Variants in SUZ12 observed in about 807,000 individuals in gnomAD.
SUZ12 encodes SUZ12 polycomb repressive complex 2 subunit.
A neutral mutation model predicts 87.3 loss-of-function variants in SUZ12; 17 were observed. The ratio of observed to expected loss-of-function variants is 0.19; its 90% CI spans 0.13 to 0.29. The LOEUF (loss-of-function observed/expected upper bound fraction) is 0.29, where lower values mean the gene tolerates loss of function less well. Ranked by LOEUF, SUZ12 falls within the 10% of genes least tolerant of loss-of-function variation. SUZ12 has a pLI of 1.00. For missense variants in SUZ12, 526 were observed against 912.2 expected (o/e 0.58, Z 5.45); for synonymous variants, 253 against 312.4 (o/e 0.81, Z 2.01).
At position 31,998,901 on chromosome 17, in the gene SUZ12, TG is replaced by T. The variant is rs745694446; in HGVS notation, c.2121del (p.Thr708GlnfsTer36). The T allele has an allele frequency of 6.2e-7, 1 of 1,613,522 alleles. No homozygotes were observed. The highest frequency in any genetic ancestry group is 8.5e-7 in the Non-Finnish European group (1 of 1,179,866). ...ANEEITEEQN[G>X]TANGFSEINS... ...ACGAAGAAATAACTGAAGAACAAAA[TG>T]GGACAGCAAATGGATTTAGTGAAAT... On this transcript the variant is annotated frameshift_variant, in exon 16 of 16. Transcript: ENST00000322652. LOFTEE classifies it high-confidence loss of function.
At chr17:31,956,222 A>G (rs541510931) in intron 4 of SUZ12, among the ~76,000 whole-genome samples, 88 of 150,892 alleles carry the variant, frequency 5.8e-4, no homozygotes, top group Admixed American at 1.5e-3. Flanking sequence ...CAGTATTACT[A>G]TTTTTTTGAG....
At chr17:31,986,175 A>G (rs1226956653) in intron 9 of SUZ12, among the ~76,000 whole-genome samples, 1 of 151,496 alleles carries the variant, frequency 6.6e-6, no homozygotes, top group Non-Finnish European at 1.5e-5. Context: ...CTCCTGACCT[A>G]AGGTTTTCCA....
chr17:31,995,826 C>G, intron 14 of SUZ12, 64 bp downstream of exon 14: 5 of 1,205,828 alleles, frequency 4.1e-6, no homozygotes, highest in Non-Finnish European at 5.8e-6. Context: ...AAATTGCTTA[C>G]TATGAACTAG....
chr17:31,977,086 G>A (rs1312378347), intron 8 of SUZ12, among the ~76,000 whole-genome samples: 2 of 152,124 alleles, frequency 1.3e-5, no homozygotes, highest in African/African-American at 4.8e-5. Flanking sequence ...TGGGCCCTAC[G>A]TAAATCTTGG....
intron 5 of SUZ12, among the ~76,000 whole-genome samples, chr17:31,972,477 A>G (rs1027586475): frequency 6.6e-6 from 1 of 151,482 alleles, no homozygotes; most frequent in Non-Finnish European, 1.5e-5. Flanking sequence ...CAGTGACAGG[A>G]TCATAGCTCA....
chr17:31,952,932 G>A (rs2142137647), intron 4 of SUZ12, among the ~76,000 whole-genome samples: 1 of 152,300 alleles, frequency 6.6e-6, no homozygotes, highest in East Asian at 1.9e-4. Flanking sequence ...AATGCATCAT[G>A]AAAAGATTTT....
intron 4 of SUZ12, among the ~76,000 whole-genome samples, chr17:31,952,015 T>C (rs1376435801): frequency 6.6e-6 from 1 of 151,966 alleles, no homozygotes; most frequent in East Asian, 1.9e-4. Context: ...CCTCAAGTGA[T>C]CCTTCCACCT....
chr17:31,992,181 A>G (rs1909752918), intron 10 of SUZ12, among the ~76,000 whole-genome samples: 1 of 151,644 alleles, frequency 6.6e-6, no homozygotes, highest in Non-Finnish European at 1.5e-5. Flanking sequence ...AATCCCAGCT[A>G]CTCAGGAGGC....
In SUZ12 at chr17:31,998,688, C is replaced by T; in HGVS notation, c.1905C>T (p.Ala635=). 2.5e-6 allele frequency: 4 copies of T among 1,584,796 alleles called. No homozygotes were observed. The highest frequency in any genetic ancestry group is 2.6e-6 in the Non-Finnish European group (3 of 1,165,746). Residue 635 remains alanine (A), a synonymous_variant, in exon 16 of 16, where the codon GCC becomes GCT. Transcript: ENST00000322652. Reference sequence around the variant, plus strand: ...TTGCTGACAATCAAATGAATCATGCCTGTATGCTGTTTGTAGAAAATTATG... The same window carrying T: ...TTGCTGACAATCAAATGAATCATGCTTGTATGCTGTTTGTAGAAAATTATG... ...GFIADNQMNH[A]CMLFVENYGQ... is the part of the protein sequence containing the mutation.
At chr17:31,998,488 A>G (rs1020135375) in intron 15 of SUZ12, among the ~76,000 whole-genome samples, 170 bp from the exon 16 acceptor site, 2 of 152,184 alleles carry the variant, frequency 1.3e-5, no homozygotes, top group Admixed American at 6.5e-5. Context: ...AATTTTTAAA[A>G]TGGTAAGCTC....
At chr17:31,972,209 C>T (rs968474936) in intron 5 of SUZ12, among the ~76,000 whole-genome samples, 3 of 151,852 alleles carry the variant, frequency 2.0e-5, no homozygotes, top group African/African-American at 7.3e-5. Flanking sequence ...CACTTTAACC[C>T]GGGAGGCAGA....
intron 9 of SUZ12, among the ~76,000 whole-genome samples, chr17:31,983,972 A>G (rs1909267217): frequency 1.3e-5 from 2 of 152,246 alleles, no homozygotes; most frequent in South Asian, 2.1e-4. Flanking sequence ...AATATGTTAG[A>G]TCAGTGTTAC....
intron 10 of SUZ12, among the ~76,000 whole-genome samples, chr17:31,989,467 T>A (rs1218554413): frequency 6.6e-6 from 1 of 152,198 alleles, no homozygotes; most frequent in Non-Finnish European, 1.5e-5. Flanking sequence ...CATGGTAAGT[T>A]AGAGCAAGTT....
intron 5 of SUZ12, among the ~76,000 whole-genome samples, chr17:31,970,670 T>C (rs1401819026): frequency 2.0e-5 from 3 of 152,012 alleles, no homozygotes; most frequent in Non-Finnish European, 2.9e-5. Context: ...GGCTTGTGCC[T>C]GTAGTCTGTA....
Position 31,999,713 on chromosome 17 carries a change from G to A in SUZ12, c.*710G>A. The A allele has an allele frequency of 4.3e-6, 1 of 230,602 alleles. No individual in the cohort carries two copies. Among genetic ancestry groups the A allele is most frequent in the African/African-American group, 2.2e-5 (1 of 44,928 alleles). 14.3% of individuals were successfully genotyped at this position (230,602 alleles called of 1,614,324 possible). A position where few individuals can be genotyped will look rare whatever the true frequency, so the allele number is the denominator to read the frequency against. ...GATTACAGACCATTTGTTTTCATGT[G>A]GATAATTTTAGTGCATTGCTCACCC... On this transcript the variant is annotated 3_prime_UTR_variant, in exon 16 of 16. Transcript: ENST00000322652.
chr17:31,941,694 C>T (rs1429597105), intron 3 of SUZ12, among the ~76,000 whole-genome samples: 5 of 151,628 alleles, frequency 3.3e-5, no homozygotes, highest in African/African-American at 1.2e-4. Context: ...GGACTATAGG[C>T]GCGTGCCACC....
At chr17:31,979,169 T>TAATATCCA (rs888666980) in intron 8 of SUZ12, among the ~76,000 whole-genome samples, 3 of 151,646 alleles carry the variant, frequency 2.0e-5, no homozygotes, top group Non-Finnish European at 4.4e-5. Flanking sequence ...TAAAGTCATT[T>TAATATCCA]AATATCCACA....
intron 5 of SUZ12, 179 bp downstream of exon 5, chr17:31,966,375 TG>T: frequency 1.6e-6 from 1 of 611,376 alleles, no homozygotes; most frequent in Non-Finnish European, 2.9e-6. Flanking sequence ...TTTTGGTGGA[TG>T]GGGGTGCAGA....
At chr17:31,991,955 T>G (rs1398124353) in intron 10 of SUZ12, among the ~76,000 whole-genome samples, 1 of 151,982 alleles carries the variant, frequency 6.6e-6, no homozygotes, top group African/African-American at 2.4e-5. Context: ...CAACACTTAG[T>G]GCCTGCTCAC....
Sources: gnomAD v4.1 joint callset for allele counts (sites outside exome capture counted in the v4.1 genomes callset) on GRCh38, gnomAD v4.1.1 for gene constraint, MANE v1.5 for transcripts, NCBI Gene and HGNC (gene_info 2026-07-23, HGNC 2026-07-21) for gene names.